Variants in RLF observed in about 807,000 individuals in gnomAD.
The protein encoded by RLF is RLF zinc finger, also known as zinc finger protein Rlf.
In RLF, 7 loss-of-function variants were observed where a neutral mutation model predicts 162.9. The ratio of observed to expected loss-of-function variants is 0.04; its 90% CI spans 0.02 to 0.08. The LOEUF (loss-of-function observed/expected upper bound fraction) is 0.08, where lower values mean the gene tolerates loss of function less well. Ranked by LOEUF, RLF falls within the 10% of genes least tolerant of loss-of-function variation. The pLI, the probability that RLF is intolerant of heterozygous loss-of-function variation, is 1.00. For missense variants in RLF, 1,664 were observed against 2,244.7 expected (o/e 0.74, Z 5.23); for synonymous variants, 782 against 791.5 (o/e 0.99, Z 0.20).
chr1:40,168,980 C>G lies in RLF; in HGVS notation c.237+7344C>G, dbSNP rs191778342. Among the ~76,000 whole-genome samples the G allele has an allele frequency of 6.0e-3, 914 of 152,030 alleles. 7 individuals carry two copies. Among genetic ancestry groups the G allele is most frequent in the South Asian group, 0.015 (71 of 4,818 alleles). ...TGCACTCCATCCTGGGCAACAAGAGCAAAACTCCGTCTCAAAAAAAATAAT... is the reference window on the plus strand; with the variant it reads ...TGCACTCCATCCTGGGCAACAAGAGGAAAACTCCGTCTCAAAAAAAATAAT... On this transcript the variant is annotated intron_variant, in intron 1 of 7. Coordinates refer to ENST00000372771, the MANE Select transcript of RLF (RefSeq NM_012421.4).
At chr1:40,198,129 G>A (rs1287545264) in intron 4 of RLF, among the ~76,000 whole-genome samples, 5 of 148,262 alleles carry the variant, frequency 3.4e-5, no homozygotes, top group East Asian at 4.0e-4. Context: ...TTAGCCTCTC[G>A]AATAGCTGGG....
chr1:40,240,159 T>A lies in RLF; in HGVS notation c.5457T>A (p.Asn1819Lys), dbSNP rs769200920. 1.2e-6 allele frequency: 2 copies of A among 1,614,198 alleles called. No individual in the cohort carries two copies. Among genetic ancestry groups the A allele is most frequent in the South Asian group, 2.2e-5 (2 of 91,086 alleles). The part of the protein sequence containing the change: ...TGNVVANNMV[N>K]DSEPEVDIPH... ...ATGTTGTGGCAAATAATATGGTGAA[T>A]GACAGTGAACCTGAAGTTGACATAC... is the stretch of plus-strand genomic sequence containing the variant. Residue 1819 changes from asparagine (N) to lysine (K), a missense_variant, in exon 8 of 8, where the codon AAT becomes AAA. Transcript: ENST00000372771.
chr1:40,185,072 CAA>C (rs895279566), intron 1 of RLF, among the ~76,000 whole-genome samples: 1 of 150,680 alleles, frequency 6.6e-6, no homozygotes, highest in African/African-American at 2.4e-5. Context: ...CCTGTCCCTA[CAA>C]AAAAAAAGTT....
intron 6 of RLF, among the ~76,000 whole-genome samples, chr1:40,227,234 T>A (rs1363371281): frequency 6.6e-6 from 1 of 152,178 alleles, no homozygotes; most frequent in Non-Finnish European, 1.5e-5. Flanking sequence ...TATATATAAT[T>A]TGTTGAAATG....
intron 1 of RLF, among the ~76,000 whole-genome samples, chr1:40,167,873 A>G (rs1468979951): frequency 1.3e-5 from 2 of 151,114 alleles, no homozygotes; most frequent in Non-Finnish European, 2.9e-5. Flanking sequence ...TGTATCTCCC[A>G]CTTGAATTTT....
intron 1 of RLF, among the ~76,000 whole-genome samples, chr1:40,170,313 G>A (rs1419409779): frequency 6.6e-6 from 1 of 151,966 alleles, no homozygotes; most frequent in Non-Finnish European, 1.5e-5. Flanking sequence ...GAGTGCGGTG[G>A]TGCAATCACA....
At chr1:40,221,343 A>T (rs1381813954) in intron 5 of RLF, among the ~76,000 whole-genome samples, 1 of 152,146 alleles carries the variant, frequency 6.6e-6, no homozygotes, top group Non-Finnish European at 1.5e-5. Context: ...AAGATAATAC[A>T]GTAAAACTTA....
In RLF at chr1:40,161,641, G is replaced by A; in HGVS notation, c.237+5G>A. The A allele has an allele frequency of 6.2e-7, 1 of 1,609,770 alleles. No individual in the cohort carries two copies. The highest frequency in any genetic ancestry group is 8.5e-7 in the Non-Finnish European group (1 of 1,178,432). On this transcript the variant is annotated splice_donor_5th_base_variant and intron_variant, in intron 1 of 7. Coordinates refer to ENST00000372771, the MANE Select transcript of RLF (RefSeq NM_012421.4). This position sits in a 1 kb window ranked among gnomAD's most constrained non-coding sequence, Gnocchi z 4.4. ...TACTGCCGGAGCTTCTGCCAGGTGA[G>A]GGGCTGACTGGCTGGCTGAGGGCGG...
chr1:40,187,034 T>G (rs980012841), intron 1 of RLF, among the ~76,000 whole-genome samples: 17 of 151,704 alleles, frequency 1.1e-4, no homozygotes, highest in African/African-American at 3.4e-4. Flanking sequence ...TTGTTTTTTG[T>G]TTTTTGGTTT....
chr1:40,198,021 G>T (rs1570537151), intron 4 of RLF, among the ~76,000 whole-genome samples: 4 of 150,160 alleles, frequency 2.7e-5, no homozygotes, highest in East Asian at 1.9e-4. Flanking sequence ...GTTTTTTTTT[G>T]AAATGGAGTT....
chr1:40,179,453 T>TGCCCCCA (rs1314362388), intron 1 of RLF, among the ~76,000 whole-genome samples: 2 of 152,158 alleles, frequency 1.3e-5, no homozygotes, highest in Admixed American at 1.3e-4. Context: ...TTATCCTCCC[T>TGCCCCCA]GCCCCCAGCC....
Position 40,222,682 on chromosome 1 carries a change from C to G in RLF, c.919C>G (p.Leu307Val). Residue 307 changes from leucine to valine, a missense_variant, in exon 6 of 8, where the codon CTC (leucine) becomes GTC (valine). Physicochemically the swap from Leu to Val is conservative, Grantham distance 32 (BLOSUM62 1). Transcript: ENST00000372771. Reference sequence around the variant, plus strand: ...TTGTACGACTTACCTTACCCAGCAGCTCCAAACTGCAAGTGTATATTGTTC... The same window carrying G: ...TTGTACGACTTACCTTACCCAGCAGGTCCAAACTGCAAGTGTATATTGTTC... ...VLCTTYLTQQ[L>V]QTASVYCSWE... is the part of the protein sequence containing the mutation. 6.2e-7 allele frequency: 1 copy of G among 1,613,290 alleles called. No individual in the cohort carries two copies. Among genetic ancestry groups the G allele is most frequent in the Non-Finnish European group, 8.5e-7 (1 of 1,179,784 alleles).
chr1:40,173,633 C>T (rs1642277498), intron 1 of RLF, among the ~76,000 whole-genome samples: 1 of 151,828 alleles, frequency 6.6e-6, no homozygotes, highest in East Asian at 1.9e-4. Context: ...CATGCCTCAG[C>T]TTCCTGAGTA....
At chr1:40,188,574 A>G (rs1329193692) in intron 1 of RLF, among the ~76,000 whole-genome samples, 2 of 152,112 alleles carry the variant, frequency 1.3e-5, no homozygotes, top group Non-Finnish European at 2.9e-5. Flanking sequence ...GAAATTAGTT[A>G]GCATAAATTA....
Position 40,236,197 on chromosome 1 carries a change from A to G in RLF, c.1495A>G (p.Met499Val). 1.2e-6 allele frequency: 2 copies of G among 1,613,946 alleles called. No homozygotes were observed. Among genetic ancestry groups the G allele is most frequent in the South Asian group, 1.1e-5 (1 of 91,042 alleles). The part of the protein sequence containing the change: ...DSDDDLSGYE[M>V]SINDTDVLES... The stretch of plus-strand genomic sequence containing the variant: ...TGATGATGATTTAAGTGGCTATGAA[A>G]TGTCCATTAATGACACAGATGTTTT... The change falls in exon 8 of 8, where the codon ATG becomes GTG. Residue 499 changes from methionine (M) to valine (V), a missense_variant. By Grantham distance (21) the Met-to-Val change is conservative. This residue lies in a region of RLF where 54 missense variants were observed against 71.7 expected (regional missense o/e 0.75). Transcript: ENST00000372771. This position sits in a 1 kb window ranked among gnomAD's most constrained non-coding sequence, Gnocchi z 7.7.
At chr1:40,190,157 G>A (rs1265123339) in intron 2 of RLF, among the ~76,000 whole-genome samples, 2 of 151,880 alleles carry the variant, frequency 1.3e-5, no homozygotes, top group Non-Finnish European at 2.9e-5. Context: ...TATTCTGTAG[G>A]GTTTTAGAGA....
intron 4 of RLF, among the ~76,000 whole-genome samples, chr1:40,200,926 A>ACG (rs1245889462): frequency 1.1e-4 from 14 of 122,766 alleles, no homozygotes; most frequent in African/African-American, 4.3e-4. Context: ...ACACACACAC[A>ACG]CACACACACA....
At chr1:40,193,294 TA>T (rs1371120040) in intron 3 of RLF, among the ~76,000 whole-genome samples, 4 of 152,174 alleles carry the variant, frequency 2.6e-5, no homozygotes, top group African/African-American at 9.6e-5. Context: ...ACATTATTTT[TA>T]AAAAATAACT....
At position 40,220,970 on chromosome 1, in the gene RLF, T is replaced by TAA. The variant is rs750563466; in HGVS notation, c.811-1586_811-1585dup. ...AGTGAGACCTCATCTCTACAAAAATTAAAAAAAAAAAAAAAAAAAGGTGTG... is the reference window on the plus strand; with the variant it reads ...AGTGAGACCTCATCTCTACAAAAATTAAAAAAAAAAAAAAAAAAAAAGGTGTG... On this transcript the variant is annotated intron_variant, in intron 5 of 7. Coordinates refer to ENST00000372771, the MANE Select transcript of RLF (RefSeq NM_012421.4). 6.4e-3 allele frequency among the ~76,000 whole-genome samples: 652 copies of TAA among 101,802 alleles called. 3 individuals are homozygous for TAA. Among genetic ancestry groups the TAA allele is most frequent in the African/African-American group, 8.3e-3 (228 of 27,532 alleles). The allele number at this position is 101,802 out of a possible 152,430, so 66.8% of individuals were successfully genotyped here.
Sources: gnomAD v4.1 joint callset for allele counts (sites outside exome capture counted in the v4.1 genomes callset) on GRCh38, gnomAD v4.1.1 for gene constraint, gnomAD v4.1.1 regional missense constraint, Gnocchi (gnomAD v3.1) non-coding constraint, MANE v1.5 for transcripts, NCBI Gene and HGNC (gene_info 2026-07-23, HGNC 2026-07-21) for gene names.